RFX3: variants seen among roughly 807,000 people sequenced by gnomAD.
The protein encoded by RFX3 is transcription factor RFX3.
In RFX3, 14 loss-of-function variants were observed where a neutral mutation model predicts 98.6. The ratio of observed to expected loss-of-function variants is 0.14; its 90% CI spans 0.09 to 0.22. The LOEUF is 0.22. Ranked by LOEUF, RFX3 falls within the 10% of genes least tolerant of loss-of-function variation. The probability of loss-of-function intolerance (pLI) is 1.00; values close to 1 mark genes in which losing one functional copy is unlikely to be tolerated. For missense variants in RFX3, 639 were observed against 926.9 expected (o/e 0.69, Z 4.03); for synonymous variants, 383 against 328.4 (o/e 1.17, Z -1.80).
intron 14 of RFX3, among the ~76,000 whole-genome samples, chr9:3,252,076 G>A (rs539525955): frequency 2.6e-5 from 4 of 152,210 alleles, no homozygotes; most frequent in South Asian, 4.2e-4. Context: ...TCGAACTCCC[G>A]ACCTCAGGTG....
At chr9:3,268,201 A>G (rs1306804056) in intron 11 of RFX3, among the ~76,000 whole-genome samples, 1 of 151,840 alleles carries the variant, frequency 6.6e-6, no homozygotes, top group African/African-American at 2.4e-5. Context: ...TCAAGCTGAC[A>G]TTAAATTAGT....
chr9:3,341,274 G>C (rs867027957), intron 3 of RFX3, among the ~76,000 whole-genome samples: 7 of 151,988 alleles, frequency 4.6e-5, no homozygotes, highest in Non-Finnish European at 1.0e-4. Context: ...GGATGGGGGA[G>C]GGATAGCATT....
intron 1 of RFX3, among the ~76,000 whole-genome samples, chr9:3,401,682 G>A (rs1440086373): frequency 1.3e-5 from 2 of 152,108 alleles, no homozygotes; most frequent in Non-Finnish European, 1.5e-5. Context: ...AGTCATCCTC[G>A]CCTAATGTGT....
rs189423326 is a variant in RFX3 at position 3,507,324 on chromosome 9, A to T, written c.-9+18423T>A. 7.0e-4 allele frequency among the ~76,000 whole-genome samples: 107 copies of T among 152,060 alleles called. 1 individual carries two copies. The highest frequency in any genetic ancestry group is 1.5e-3 in the South Asian group (7 of 4,826). ...ATGAGAACTAAGTTTTAGAGAAAAG[A>T]AATGACAAGGCAGAATTCAGACCAT... On this transcript the variant is annotated intron_variant, in intron 1 of 16. Transcript: ENST00000617270.
At chr9:3,284,784 T>C (rs919468565) in intron 7 of RFX3, among the ~76,000 whole-genome samples, 2 of 151,772 alleles carry the variant, frequency 1.3e-5, no homozygotes, top group Admixed American at 1.3e-4. Context: ...TCTCCTTTAT[T>C]TTAGGTAAAA....
chr9:3,313,789 T>C (rs1830244889), intron 4 of RFX3, among the ~76,000 whole-genome samples: 1 of 152,134 alleles, frequency 6.6e-6, no homozygotes, highest in Admixed American at 6.5e-5. Context: ...GAAGATCAAA[T>C]GAATGAAGTG....
At chr9:3,524,951 A>G (rs1439429514) in intron 1 of RFX3, among the ~76,000 whole-genome samples, 1 of 147,432 alleles carries the variant, frequency 6.8e-6, no homozygotes, top group Non-Finnish European at 1.5e-5. Context: ...GGCCCAACGA[A>G]CAGGCCCCAG....
chr9:3,512,807 A>G (rs1244789162), intron 1 of RFX3, among the ~76,000 whole-genome samples: 1 of 152,046 alleles, frequency 6.6e-6, no homozygotes, highest in Non-Finnish European at 1.5e-5. Flanking sequence ...AAATTATTTC[A>G]CCATTCATAA....
At chr9:3,331,828 T>TATC (rs1232052903) in intron 3 of RFX3, among the ~76,000 whole-genome samples, 2 of 152,166 alleles carry the variant, frequency 1.3e-5, no homozygotes, top group African/African-American at 4.8e-5. Flanking sequence ...CATAAGTTGG[T>TATC]ATCACTGCCC....
At chr9:3,311,242 G>A (rs1176522796) in intron 4 of RFX3, among the ~76,000 whole-genome samples, 1 of 152,096 alleles carries the variant, frequency 6.6e-6, no homozygotes, top group African/African-American at 2.4e-5. Context: ...TGATCTTCAG[G>A]ACTTTAAATT....
chr9:3,439,274 G>C (rs1845427175), intron 1 of RFX3, among the ~76,000 whole-genome samples: 1 of 151,830 alleles, frequency 6.6e-6, no homozygotes. Flanking sequence ...ATCAGTACAA[G>C]AGTAAATCAA....
chr9:3,367,702 C>G (rs1305962759), intron 2 of RFX3, among the ~76,000 whole-genome samples: 3 of 152,192 alleles, frequency 2.0e-5, no homozygotes, highest in African/African-American at 7.2e-5. Flanking sequence ...CTTTTACTTT[C>G]ATTGACATTC....
At position 3,262,834 on chromosome 9, in the gene RFX3, T is replaced by C. The variant is rs967630963; in HGVS notation, c.1605+101A>G. The C allele has an allele frequency of 5.0e-6, 6 of 1,198,196 alleles. No individual in the cohort carries two copies. In the African/African-American group the frequency reaches 6.1e-5, roughly 12 times the overall value. 74.2% of individuals were successfully genotyped at this position (1,198,196 alleles called of 1,614,324 possible). ...AACACTGTGAATATAGATGCTGCCATATATAGATGAGACTTTGAAAAGAAA... is the reference window on the plus strand; with the variant it reads ...AACACTGTGAATATAGATGCTGCCACATATAGATGAGACTTTGAAAAGAAA... On this transcript the variant is annotated intron_variant, in intron 13 of 16. Transcript: ENST00000617270.
chr9:3,311,181 T>C (rs138135095), intron 4 of RFX3, among the ~76,000 whole-genome samples: 1 of 152,356 alleles, frequency 6.6e-6, no homozygotes, highest in Non-Finnish European at 1.5e-5. Flanking sequence ...AGAAACTTAA[T>C]GAAGAGGATA....
At chr9:3,458,519 T>C (rs1847392620) in intron 1 of RFX3, among the ~76,000 whole-genome samples, 1 of 152,052 alleles carries the variant, frequency 6.6e-6, no homozygotes, top group South Asian at 2.1e-4. Flanking sequence ...AGAAGAGTAA[T>C]GGAGGTGGGA....
intron 1 of RFX3, among the ~76,000 whole-genome samples, chr9:3,477,537 T>TA (rs1725495545): frequency 6.6e-6 from 1 of 152,202 alleles, no homozygotes; most frequent in Non-Finnish European, 1.5e-5. Flanking sequence ...AGTCAGCTAT[T>TA]AAGCCTATTG....
At chr9:3,275,233 C>A (rs371986185) in intron 9 of RFX3, among the ~76,000 whole-genome samples, 37 of 151,992 alleles carry the variant, frequency 2.4e-4, no homozygotes, top group African/African-American at 8.4e-4. Context: ...GGACAAATAC[C>A]TAGAGGTGGA....
chr9:3,303,022 T>G (rs144508991), intron 4 of RFX3, among the ~76,000 whole-genome samples: 2 of 151,850 alleles, frequency 1.3e-5, no homozygotes, highest in Non-Finnish European at 2.9e-5. Context: ...GAAGATGTAA[T>G]ACAATTTATC....
chr9:3,454,885 G>A (rs1847006014), intron 1 of RFX3, among the ~76,000 whole-genome samples: 1 of 152,114 alleles, frequency 6.6e-6, no homozygotes, highest in South Asian at 2.1e-4. Context: ...ATTTACACAA[G>A]GCCACTAAGC....
Sources: gnomAD v4.1 joint callset for allele counts (sites outside exome capture counted in the v4.1 genomes callset) on GRCh38, gnomAD v4.1.1 for gene constraint, MANE v1.5 for transcripts, NCBI Gene and HGNC (gene_info 2026-07-23, HGNC 2026-07-21) for gene names.